Variants in MEGF11 observed in about 807,000 individuals in gnomAD.
MEGF11 encodes the protein multiple EGF like domains 11, also known as multiple epidermal growth factor-like domains protein 11.
In MEGF11, 126 loss-of-function variants were observed where a neutral mutation model predicts 146.6. The ratio of observed to expected loss-of-function variants is 0.86; its 90% CI spans 0.74 to 1.00. The LOEUF (loss-of-function observed/expected upper bound fraction) is 1.00, where lower values mean the gene tolerates loss of function less well. MEGF11 is among the 50% of genes least tolerant of loss of function. MEGF11 has a pLI of 0.00. For missense variants in MEGF11, 1,509 were observed against 1,521.2 expected, an observed-to-expected ratio of 0.99 and a Z score of 0.13; for synonymous variants, 532 against 583.4, an observed-to-expected ratio of 0.91 and a Z score of 1.27.
chr15:66,087,450 G>A (rs2140610553), intron 5 of MEGF11, among the ~76,000 whole-genome samples: 1 of 152,202 alleles, frequency 6.6e-6, no homozygotes, highest in South Asian at 2.1e-4. Context: ...ATTAATTTAA[G>A]AAAATTGAAA....
At chr15:66,206,573 T>C (rs1356186833) in intron 1 of MEGF11, among the ~76,000 whole-genome samples, 2 of 152,054 alleles carry the variant, frequency 1.3e-5, no homozygotes, top group African/African-American at 4.8e-5. Flanking sequence ...TAAACAGATA[T>C]TCTGGAGTTC....
intron 13 of MEGF11, among the ~76,000 whole-genome samples, chr15:65,925,294 C>T (rs2141274850): frequency 1.3e-5 from 2 of 152,298 alleles, no homozygotes; most frequent in Middle Eastern, 6.8e-3. Flanking sequence ...GATTGAGAAC[C>T]ATGAGTGTAC....
intron 1 of MEGF11, among the ~76,000 whole-genome samples, chr15:66,131,318 G>A (rs1170950294): frequency 2.0e-5 from 3 of 152,252 alleles, no homozygotes; most frequent in East Asian, 1.9e-4. Flanking sequence ...CCACCTGCCC[G>A]GGCCTGGGCC....
rs1012364835 is a variant in MEGF11 at position 65,896,230 on chromosome 15, A to G, written c.*1704T>C. On this transcript the variant is annotated 3_prime_UTR_variant, in exon 26 of 26. Transcript: ENST00000395614. The stretch of plus-strand genomic sequence containing the variant: ...GGCTTTTTTGGAAAGTAAATTTACT[A>G]TTGCTACTCAGTTGCTCCCATGCAC... 5 of 152,626 alleles carry G rather than the reference A, an allele frequency of 3.3e-5. No individual in the cohort carries two copies. Among genetic ancestry groups the G allele is most frequent in the Admixed American group, 6.5e-5 (1 of 15,278 alleles). 9.5% of individuals were successfully genotyped at this position (152,626 alleles called of 1,614,324 possible).
intron 5 of MEGF11, among the ~76,000 whole-genome samples, chr15:65,993,413 G>A (rs867797166): frequency 1.3e-5 from 2 of 152,186 alleles, no homozygotes; most frequent in Admixed American, 6.5e-5. Context: ...AGCAGCTTCT[G>A]ATCTGTTTGC....
At chr15:66,216,549 G>A (rs1198569450) in intron 1 of MEGF11, among the ~76,000 whole-genome samples, 1 of 152,118 alleles carries the variant, frequency 6.6e-6, no homozygotes, top group East Asian at 1.9e-4. Context: ...GCCCTGCTGA[G>A]CAACCCACCC....
chr15:65,945,644 C>G (rs924284285), intron 10 of MEGF11, among the ~76,000 whole-genome samples: 2 of 152,192 alleles, frequency 1.3e-5, no homozygotes, highest in Non-Finnish European at 2.9e-5. Flanking sequence ...TATTGGAGAA[C>G]AGTGATACGG....
At chr15:66,003,950 CTTA>C (rs1050576313) in intron 5 of MEGF11, among the ~76,000 whole-genome samples, 1 of 152,150 alleles carries the variant, frequency 6.6e-6, no homozygotes, top group African/African-American at 2.4e-5. Context: ...TTTGATTTCC[CTTA>C]TTATTCAGTT....
At position 66,057,821 on chromosome 15, in the gene MEGF11, C is replaced by G. The variant is rs1008000936; in HGVS notation, c.394+36581G>C. The stretch of plus-strand genomic sequence containing the variant: ...TTCAAAAGATCTGTTCAGGGCCCAG[C>G]TCTTAAGTAGAATTAATACCTGAAC... On this transcript the variant is annotated intron_variant, in intron 5 of 25. Transcript: ENST00000395614. Among the ~76,000 whole-genome samples, 3 of 152,154 alleles carry G rather than the reference C, an allele frequency of 2.0e-5. 1 individual carries two copies. In the South Asian group the frequency reaches 6.2e-4, roughly 32 times the overall value.
At chr15:66,062,141 T>C (rs913306598) in intron 5 of MEGF11, among the ~76,000 whole-genome samples, 1 of 152,222 alleles carries the variant, frequency 6.6e-6, no homozygotes, top group African/African-American at 2.4e-5. Context: ...AAATGTCACC[T>C]CTGCAAAGAG....
chr15:66,248,055 G>A (rs868294319), intron 1 of MEGF11, among the ~76,000 whole-genome samples: 1 of 152,084 alleles, frequency 6.6e-6, no homozygotes, highest in South Asian at 2.1e-4. Flanking sequence ...GTTGACTTAG[G>A]CGTGACACAT....
chr15:66,181,923 C>G (rs1403818752), intron 1 of MEGF11, among the ~76,000 whole-genome samples: 1 of 152,182 alleles, frequency 6.6e-6, no homozygotes, highest in African/African-American at 2.4e-5. Flanking sequence ...CTGAAGTTCT[C>G]CTAGAGGAAT....
intron 1 of MEGF11, among the ~76,000 whole-genome samples, chr15:66,211,466 G>C (rs546781627): frequency 6.7e-6 from 1 of 149,412 alleles, no homozygotes; most frequent in South Asian, 2.1e-4. Flanking sequence ...GGAGCTTGCA[G>C]TGAGCCAAGA....
At chr15:66,133,645 G>C (rs959279222) in intron 1 of MEGF11, among the ~76,000 whole-genome samples, 1 of 152,116 alleles carries the variant, frequency 6.6e-6, no homozygotes, top group Admixed American at 6.5e-5. Context: ...GGCCTGATTA[G>C]TGCGAGATGA....
chr15:65,916,483 G>T, intron 17 of MEGF11: 1 of 708,432 alleles, frequency 1.4e-6, no homozygotes, highest in Non-Finnish European at 2.3e-6. Context: ...AGACAGAGGG[G>T]CCTTGGAACC....
At chr15:66,040,810 G>A (rs1467844983) in intron 5 of MEGF11, among the ~76,000 whole-genome samples, 1 of 152,116 alleles carries the variant, frequency 6.6e-6, no homozygotes, top group East Asian at 1.9e-4. Context: ...GCATGGTTAT[G>A]TATGTTGTGC....
chr15:66,186,686 C>A (rs117466063), intron 1 of MEGF11, among the ~76,000 whole-genome samples: 1,532 of 152,306 alleles, frequency 0.01, 14 homozygotes, highest in Non-Finnish European at 0.014. Flanking sequence ...ACCCACTCAC[C>A]CCATGGACAG....
intron 1 of MEGF11, among the ~76,000 whole-genome samples, chr15:66,236,242 C>A (rs1420049216): frequency 6.6e-6 from 1 of 152,144 alleles, no homozygotes; most frequent in Admixed American, 6.5e-5. Context: ...GCTACCCAAG[C>A]ATCAAGTGCA....
Position 65,897,813 on chromosome 15 carries a change from G to T in MEGF11, c.*121C>A. On this transcript the variant is annotated 3_prime_UTR_variant, in exon 26 of 26. Transcript: ENST00000395614. Reference sequence around the variant, plus strand: ...TGGACGCTCTTCTTTAGTTCCAGGTGAACGTAATAACTAACATGCAGCTGG... The same window carrying T: ...TGGACGCTCTTCTTTAGTTCCAGGTTAACGTAATAACTAACATGCAGCTGG... The T allele has an allele frequency of 1.1e-6, 1 of 928,250 alleles. No homozygotes were observed. Among genetic ancestry groups the T allele is most frequent in the Non-Finnish European group, 1.6e-6 (1 of 633,296 alleles). 57.5% of individuals were successfully genotyped at this position (928,250 alleles called of 1,614,324 possible). A position where few individuals can be genotyped will look rare whatever the true frequency, so the allele number is the denominator to read the frequency against.
Sources: gnomAD v4.1 joint callset for allele counts (sites outside exome capture counted in the v4.1 genomes callset) on GRCh38, gnomAD v4.1.1 for gene constraint, MANE v1.5 for transcripts, NCBI Gene and HGNC (gene_info 2026-07-23, HGNC 2026-07-21) for gene names.